The following TEAD1 variants were observed in gnomAD, a reference collection of about 807,000 sequenced individuals.
The protein encoded by TEAD1 is transcriptional enhancer factor TEF-1.
Under a neutral mutation model 54.9 loss-of-function variants are expected in TEAD1, and 9 were observed. That is an observed-to-expected ratio of 0.16 (90% CI 0.10 to 0.29). TEAD1 has a LOEUF of 0.29. Among genes scored for constraint, TEAD1 ranks in the 10% least tolerant of loss-of-function variants. The pLI is 1.00. For synonymous variants in TEAD1, 200 were observed against 187.8 expected, an observed-to-expected ratio of 1.07 and a Z score of -0.53; for missense variants, 387 against 535.9, an observed-to-expected ratio of 0.72 and a Z score of 2.74.
chr11:12,818,527 C>G (rs1449654531), intron 3 of TEAD1, among the ~76,000 whole-genome samples: 1 of 152,142 alleles, frequency 6.6e-6, no homozygotes, highest in Non-Finnish European at 1.5e-5. Flanking sequence ...CATCCGGCTC[C>G]TTGGGAGAAG....
intron 5 of TEAD1, 49 bp from the exon 6 acceptor site, chr11:12,879,654 TGCCTG>T: frequency 6.2e-7 from 1 of 1,613,434 alleles, no homozygotes; most frequent in Non-Finnish European, 8.5e-7. Context: ...CTGTGTAACC[TGCCTG>T]GTAGCCATGC....
At chr11:12,820,115 A>G (rs993184060) in intron 3 of TEAD1, among the ~76,000 whole-genome samples, 2 of 152,104 alleles carry the variant, frequency 1.3e-5, no homozygotes, top group Admixed American at 1.3e-4. Flanking sequence ...GTGGAATATA[A>G]ACCTCTCCAT....
chr11:12,798,988 G>T (rs926138259), intron 3 of TEAD1, among the ~76,000 whole-genome samples: 1 of 152,184 alleles, frequency 6.6e-6, no homozygotes, highest in Non-Finnish European at 1.5e-5. Context: ...CTGGCACCCT[G>T]TTAGAATAAA....
rs1317455596 is a variant in TEAD1 at position 12,942,655 on chromosome 11, TG to T, written c.*5435del. 6.6e-6 allele frequency: 1 copy of T among 152,204 alleles called. No homozygotes were observed. The highest frequency in any genetic ancestry group is 1.5e-5 in the Non-Finnish European group (1 of 68,044). 9.4% of individuals were successfully genotyped at this position (152,204 alleles called of 1,614,324 possible). A position where few individuals can be genotyped will look rare whatever the true frequency, so the allele number is the denominator to read the frequency against. Reference sequence around the variant, plus strand: ...ATTCAAATGACAGTGCGCACTTATCTGGTTTACACAATGATACCATTTTGAA... The same window carrying T: ...ATTCAAATGACAGTGCGCACTTATCTGTTTACACAATGATACCATTTTGAA... On this transcript the variant is annotated 3_prime_UTR_variant, in exon 13 of 13. Coordinates refer to ENST00000527636, the MANE Select transcript of TEAD1 (RefSeq NM_021961.6).
chr11:12,798,797 A>G (rs955121022), intron 3 of TEAD1, among the ~76,000 whole-genome samples: 2 of 152,250 alleles, frequency 1.3e-5, no homozygotes, highest in African/African-American at 2.4e-5. Context: ...AGGAGCATGC[A>G]TTTCTGTGGA....
intron 12 of TEAD1, among the ~76,000 whole-genome samples, chr11:12,936,286 G>A (rs539568223): frequency 1.3e-5 from 2 of 152,282 alleles, no homozygotes; most frequent in African/African-American, 4.8e-5. Flanking sequence ...CTCAAAATAC[G>A]AGGGATAATT....
chr11:12,710,018 T>C (rs933462201), intron 2 of TEAD1, among the ~76,000 whole-genome samples: 1 of 51,560 alleles, frequency 1.9e-5, no homozygotes, highest in Non-Finnish European at 3.1e-5. Flanking sequence ...CTTACCAAAT[T>C]GTTAAAAAAA....
chr11:12,811,536 A>C (rs1302376556), intron 3 of TEAD1, among the ~76,000 whole-genome samples: 1 of 152,172 alleles, frequency 6.6e-6, no homozygotes, highest in Non-Finnish European at 1.5e-5. Flanking sequence ...GGTCTTCTCC[A>C]AGGTCTGTGT....
At chr11:12,866,524 A>G (rs1234874344) in intron 5 of TEAD1, among the ~76,000 whole-genome samples, 1 of 152,258 alleles carries the variant, frequency 6.6e-6, no homozygotes, top group East Asian at 1.9e-4. Context: ...GTTGCTTTAT[A>G]CATGTACATA....
chr11:12,892,256 T>C (rs771402181), intron 9 of TEAD1, among the ~76,000 whole-genome samples: 2 of 151,940 alleles, frequency 1.3e-5, no homozygotes, highest in African/African-American at 2.4e-5. Context: ...CCAGGACAGC[T>C]CTAAGGAAAT....
At chr11:12,835,867 C>T (rs978339819) in intron 3 of TEAD1, among the ~76,000 whole-genome samples, 4 of 152,006 alleles carry the variant, frequency 2.6e-5, no homozygotes, top group Non-Finnish European at 5.9e-5. Flanking sequence ...TCTTAGTCAA[C>T]GGGTACAAAG....
chr11:12,884,964 A>G (rs1948056638), intron 9 of TEAD1, among the ~76,000 whole-genome samples: 2 of 152,154 alleles, frequency 1.3e-5, no homozygotes, highest in Non-Finnish European at 2.9e-5. Flanking sequence ...TGCCTCTTGT[A>G]ACTGGTGTTT....
intron 2 of TEAD1, among the ~76,000 whole-genome samples, chr11:12,745,144 A>G (rs180934874): frequency 6.6e-6 from 1 of 152,314 alleles, no homozygotes; most frequent in Non-Finnish European, 1.5e-5. Flanking sequence ...TCCTCCTGTA[A>G]GTGACCAGGC....
At chr11:12,709,671 C>T (rs10765988) in intron 2 of TEAD1, among the ~76,000 whole-genome samples, 52,425 of 151,942 alleles carry the variant, frequency 0.35, 10,053 homozygotes, top group South Asian at 0.61. Flanking sequence ...CATGCCACTG[C>T]GCCTGGCTGA....
chr11:12,871,416 A>G (rs1947742821), intron 5 of TEAD1, among the ~76,000 whole-genome samples: 1 of 152,178 alleles, frequency 6.6e-6, no homozygotes, highest in Non-Finnish European at 1.5e-5. Context: ...AAAAGTCATT[A>G]ACTGTTTTTT....
At chr11:12,864,508 C>T (rs1184890358) in intron 4 of TEAD1, among the ~76,000 whole-genome samples, 1 of 152,160 alleles carries the variant, frequency 6.6e-6, no homozygotes, top group Non-Finnish European at 1.5e-5. Flanking sequence ...TTGTGTCTGG[C>T]TGGGACTGTG....
At chr11:12,893,312 TG>T (rs1281782306) in intron 9 of TEAD1, among the ~76,000 whole-genome samples, 1 of 152,158 alleles carries the variant, frequency 6.6e-6, no homozygotes, top group African/African-American at 2.4e-5. Context: ...AAGGAGATGA[TG>T]GCTCAGTGTG....
At chr11:12,927,857 A>C (rs1948931274) in intron 11 of TEAD1, among the ~76,000 whole-genome samples, 1 of 152,196 alleles carries the variant, frequency 6.6e-6, no homozygotes, top group South Asian at 2.1e-4. Context: ...TGGCCATCTT[A>C]GCAAATTCTC....
At chr11:12,872,716 C>A (rs1452240598) in intron 5 of TEAD1, among the ~76,000 whole-genome samples, 2 of 152,130 alleles carry the variant, frequency 1.3e-5, no homozygotes, top group Non-Finnish European at 2.9e-5. Flanking sequence ...TAGCGAAATC[C>A]CATTGTTAAT....
Sources: allele counts gnomAD v4.1 joint callset (sites outside exome capture counted in the v4.1 genomes callset), GRCh38; gene constraint gnomAD v4.1.1; transcripts MANE v1.5; gene names NCBI Gene and HGNC (gene_info 2026-07-23, HGNC 2026-07-21).